The following MIA2 variants were observed in gnomAD, a reference collection of about 807,000 sequenced individuals.
MIA2 encodes the protein melanoma inhibitory activity protein 2.
In MIA2, 127 loss-of-function variants were observed where a neutral mutation model predicts 167.8. The ratio of observed to expected loss-of-function variants is 0.76; its 90% CI spans 0.66 to 0.88. MIA2 has a LOEUF of 0.88. MIA2 is among the 40% of genes least tolerant of loss of function. MIA2 has a pLI of 0.00. For missense variants in MIA2, 1,690 were observed against 1,624.7 expected, an observed-to-expected ratio of 1.04 and a Z score of -0.69; for synonymous variants, 552 against 541.9, an observed-to-expected ratio of 1.02 and a Z score of -0.26.
At chr14:39,318,120 TTGTG>T in intron 22 of MIA2, 109 bp downstream of exon 22, 2 of 722,170 alleles carry the variant, frequency 2.8e-6, no homozygotes, top group Non-Finnish European at 4.5e-6. Context: ...CCAGCATATC[TTGTG>T]AGATATCTAT....
chr14:39,294,941 A>G lies in MIA2; in HGVS notation c.2408A>G (p.Lys803Arg), dbSNP rs776763978. Reference sequence around the variant, plus strand: ...TTCACTTAGGCCAAAATGACCTTCAAGATATTTCAAATGAATGAAGAACGA... The same window carrying G: ...TTCACTTAGGCCAAAATGACCTTCAGGATATTTCAAATGAATGAAGAACGA... ...SQVAEAKMTF[K>R]IFQMNEERLK... Residue 803 changes from lysine to arginine, a missense_variant, in exon 13 of 29, where the codon AAG becomes AGG. Lys to Arg is a conservative substitution (Grantham distance 26). Transcript: ENST00000640607. The G allele has an allele frequency of 3.7e-5, 59 of 1,612,562 alleles. 1 individual carries two copies. The highest frequency in any genetic ancestry group is 3.6e-4 in the South Asian group (33 of 90,920).
rs3065043 is a variant in MIA2 at position 39,299,068 on chromosome 14, TAAAAAAAAAAAAA to T, written c.2497-779_2497-767del. Reference sequence around the variant, plus strand: ...GACAGAATGAGACCCTCCCTGCCTCTAAAAAAAAAAAAAAAAAAAAAAAAAAAAAGAAATAATT... The same window carrying T: ...GACAGAATGAGACCCTCCCTGCCTCTAAAAAAAAAAAAAAAAGAAATAATT... On this transcript the variant is annotated intron_variant, in intron 13 of 28. Transcript: ENST00000640607. 2.7e-3 allele frequency among the ~76,000 whole-genome samples: 117 copies of T among 44,036 alleles called. 1 individual carries two copies. Among genetic ancestry groups the T allele is most frequent in the East Asian group, 4.9e-3 (5 of 1,018 alleles). The allele number at this position is 44,036 out of a possible 152,430, so 28.9% of individuals were successfully genotyped here. A position where few individuals can be genotyped will look rare whatever the true frequency, so the allele number is the denominator to read the frequency against.
chr14:39,292,785 A>G (rs2060907154), intron 10 of MIA2: 2 of 182,452 alleles, frequency 1.1e-5, no homozygotes, highest in South Asian at 9.1e-5. Flanking sequence ...GTCATAGAAA[A>G]TAGGTCTTAA....
In MIA2 at chr14:39,317,953, C is replaced by G. The variant is rs548962835; in HGVS notation, c.3226C>G (p.Arg1076Gly). The G allele has an allele frequency of 1.3e-6, 2 of 1,578,108 alleles. No homozygotes were observed. The highest frequency in any genetic ancestry group is 2.7e-5 in the African/African-American group (2 of 73,268). ...KKAHDNWLAA[R>G]NAERNLNDLR... ...TGTTATTTTCTTCAAGTTGGCAGCT[C>G]GGAATGCTGAAAGAAACCTCAATGA... is the stretch of plus-strand genomic sequence containing the variant. Residue 1076 changes from arginine to glycine, a missense_variant, in exon 22 of 29, where the codon CGG (arginine) becomes GGG (glycine). Arg to Gly is a moderately radical substitution (Grantham distance 125, BLOSUM62 -2). Transcript: ENST00000640607.
Position 39,291,004 on chromosome 14 carries a change from G to A in MIA2, c.2131-15G>A, listed in dbSNP as rs1466636570. On this transcript the variant is annotated splice_polypyrimidine_tract_variant and intron_variant, in intron 9 of 28. Transcript: ENST00000640607. ...AATTGGTAGAGTTTTTACTTGTGAT[G>A]TTGCTTTGTTTCAGTATGAAGGCTA... 28 of 1,596,344 alleles carry A rather than the reference G, an allele frequency of 1.8e-5. No individual in the cohort carries two copies. The highest frequency in any genetic ancestry group is 2.1e-5 in the Non-Finnish European group (25 of 1,171,938).
chr14:39,372,622 T>C (rs1447805916), intron 23 of MIA2, among the ~76,000 whole-genome samples: 1 of 152,166 alleles, frequency 6.6e-6, no homozygotes, highest in African/African-American at 2.4e-5. Flanking sequence ...TCTAAGAGTA[T>C]AGGAAAGGAA....
At chr14:39,304,189 C>T (rs1190519975) in intron 16 of MIA2, 102 bp from the exon 17 acceptor site, 1 of 468,980 alleles carries the variant, frequency 2.1e-6, no homozygotes, top group African/African-American at 2.1e-5. Context: ...GATAAAATCA[C>T]TTAAAAAGTG....
At chr14:39,382,953 G>GT (rs10689511) in intron 23 of MIA2, among the ~76,000 whole-genome samples, 4,550 of 74,884 alleles carry the variant, frequency 0.061, 227 homozygotes, top group African/African-American at 0.17. Context: ...TATGGCCACA[G>GT]TTTTTTTTTT....
chr14:39,247,250 T>C lies in MIA2; in HGVS notation c.676T>C (p.Trp226Arg). The C allele has an allele frequency of 6.2e-7, 1 of 1,614,016 alleles. No homozygotes were observed. The change falls in exon 4 of 29, where the codon TGG becomes CGG. Residue 226 changes from tryptophan (W) to arginine (R), a missense_variant. Coordinates refer to ENST00000640607, the MANE Select transcript of MIA2 (RefSeq NM_001329214.4). ...PSSAVSGVKE[W>R]FGLGGEQAEE... ...TTCAGCTGTGTCTGGAGTCAAAGAA[T>C]GGTTTGGATTGGGAGGAGAACAAGC...
At chr14:39,237,531 T>A (rs2053810664) in intron 2 of MIA2, among the ~76,000 whole-genome samples, 2 of 152,216 alleles carry the variant, frequency 1.3e-5, no homozygotes, top group Non-Finnish European at 2.9e-5. Flanking sequence ...ATGATCATGT[T>A]CAGTGTTGGT....
intron 23 of MIA2, among the ~76,000 whole-genome samples, chr14:39,376,399 A>C (rs1445954599): frequency 6.6e-6 from 1 of 152,182 alleles, no homozygotes; most frequent in Non-Finnish European, 1.5e-5. Flanking sequence ...TTAAAAGTTA[A>C]ATGTTTGAAA....
intron 23 of MIA2, among the ~76,000 whole-genome samples, chr14:39,367,390 C>T (rs1344635025): frequency 6.6e-6 from 1 of 152,176 alleles, no homozygotes; most frequent in African/African-American, 2.4e-5. Flanking sequence ...TGAAATGGTG[C>T]TGTGCTGCAC....
chr14:39,363,547 G>A (rs745718432), intron 23 of MIA2, among the ~76,000 whole-genome samples: 1 of 152,020 alleles, frequency 6.6e-6, no homozygotes, highest in Non-Finnish European at 1.5e-5. Flanking sequence ...AAAATCTGAT[G>A]TTTCTTTGTT....
At chr14:39,298,543 T>TTTTTTGTTG (rs2061859616) in intron 13 of MIA2, among the ~76,000 whole-genome samples, 1 of 107,204 alleles carries the variant, frequency 9.3e-6, no homozygotes, top group African/African-American at 3.4e-5. Context: ...TTTTTTTTTT[T>TTTTTTGTTG]TTTTTTTTTT....
chr14:39,346,082 C>T (rs1481585082), intron 26 of MIA2, 56 bp downstream of exon 26: 1 of 1,480,874 alleles, frequency 6.8e-7, no homozygotes, highest in Non-Finnish European at 9.4e-7. Context: ...CACTAAAGAA[C>T]TGGAAGTTAG....
chr14:39,269,622 T>TG, intron 6 of MIA2, among the ~76,000 whole-genome samples: 1 of 151,910 alleles, frequency 6.6e-6, no homozygotes. Context: ...CTGGCTCAGG[T>TG]GATCCTCCCA....
intron 26 of MIA2, among the ~76,000 whole-genome samples, chr14:39,347,216 GAGAA>G (rs1410078795): frequency 6.6e-6 from 1 of 152,212 alleles, no homozygotes; most frequent in Non-Finnish European, 1.5e-5. Flanking sequence ...GAGAATAAAT[GAGAA>G]AGCTACAAGA....
chr14:39,304,865 T>G (rs1365135386), intron 17 of MIA2, among the ~76,000 whole-genome samples: 1 of 152,194 alleles, frequency 6.6e-6, no homozygotes, highest in East Asian at 1.9e-4. Flanking sequence ...CATTTATGTT[T>G]ATTTTGCTGA....
chr14:39,303,768 A>G (rs2062889525), intron 16 of MIA2, among the ~76,000 whole-genome samples: 1 of 152,104 alleles, frequency 6.6e-6, no homozygotes, highest in Non-Finnish European at 1.5e-5. Flanking sequence ...GGATAAGACT[A>G]TATTTAAAAT....
Sources: allele counts gnomAD v4.1 joint callset (sites outside exome capture counted in the v4.1 genomes callset), GRCh38; gene constraint gnomAD v4.1.1; transcripts MANE v1.5; gene names NCBI Gene and HGNC (gene_info 2026-07-23, HGNC 2026-07-21).